The following ABCC5 variants were observed in gnomAD, a reference collection of about 807,000 sequenced individuals.
ABCC5 encodes the protein ATP-binding cassette sub-family C member 5.
ABCC5 carries 61 observed loss-of-function variants against 160.9 expected under a neutral mutation model. The observed-to-expected ratio is 0.38, with a 90% confidence interval of 0.31 to 0.47. The LOEUF is 0.47. ABCC5 is among the 20% of genes least tolerant of loss of function. ABCC5 has a pLI of 0.99. For missense variants in ABCC5, 1,308 were observed against 1,813.3 expected (o/e 0.72, Z 5.06); for synonymous variants, 666 against 700.6 (o/e 0.95, Z 0.78).
intron 29 of ABCC5, among the ~76,000 whole-genome samples, chr3:183,924,999 C>A (rs1038234134): frequency 5.9e-5 from 9 of 152,148 alleles, no homozygotes; most frequent in African/African-American, 1.9e-4. Context: ...GCCAACCGCA[C>A]CTGCAAAGGA....
In ABCC5 at chr3:183,957,224, G is replaced by A. The variant is rs1282209048; in HGVS notation, c.2482+2509C>T. 1.8e-5 allele frequency among the ~76,000 whole-genome samples: 2 copies of A among 114,250 alleles called. 1 individual carries two copies. The highest frequency in any genetic ancestry group is 6.3e-5 in the African/African-American group (2 of 31,718). The allele number at this position is 114,250 out of a possible 152,430, so 75.0% of individuals were successfully genotyped here. A position where few individuals can be genotyped will look rare whatever the true frequency, so the allele number is the denominator to read the frequency against. On this transcript the variant is annotated intron_variant, in intron 17 of 29. Coordinates refer to ENST00000334444, the MANE Select transcript of ABCC5 (RefSeq NM_005688.4). Reference sequence around the variant, plus strand: ...TGCTTATCCGTGTGTATATCACATCGGTTACATGCAGATCCGTGTGTATAT... The same window carrying A: ...TGCTTATCCGTGTGTATATCACATCAGTTACATGCAGATCCGTGTGTATAT...
chr3:183,989,424 T>C, intron 2 of ABCC5, 41 bp from the exon 3 acceptor site: 3 of 1,606,068 alleles, frequency 1.9e-6, no homozygotes, highest in Non-Finnish European at 1.7e-6. Context: ...GCACAGTTAA[T>C]ACACAGGCGA....
chr3:183,930,135 C>T (rs907398306), intron 26 of ABCC5, among the ~76,000 whole-genome samples: 1 of 152,240 alleles, frequency 6.6e-6, no homozygotes, highest in African/African-American at 2.4e-5. Flanking sequence ...AAACAGGAAA[C>T]TCTCTGGGAG....
chr3:183,977,799 C>A (rs1026551536), intron 9 of ABCC5, among the ~76,000 whole-genome samples, 175 bp from the exon 10 acceptor site: 1 of 152,056 alleles, frequency 6.6e-6, no homozygotes, highest in African/African-American at 2.4e-5. Context: ...GTCGCCCAGG[C>A]TGGAGTGCAG....
At position 183,967,781 on chromosome 3, in the gene ABCC5, C is replaced by T. The variant is rs764866230; in HGVS notation, c.1762-15G>A. 11 of 1,603,784 alleles carry T rather than the reference C, an allele frequency of 6.9e-6. No individual in the cohort carries two copies. The highest frequency in any genetic ancestry group is 1.7e-5 in the Admixed American group (1 of 59,970). The stretch of plus-strand genomic sequence containing the variant: ...ACCAGTTTACCCTGGACAAGGCACA[C>T]AGAGAGGAGGGTCATTTAGAGACTA... On this transcript the variant is annotated splice_polypyrimidine_tract_variant and intron_variant, in intron 11 of 29. Coordinates refer to ENST00000334444, the MANE Select transcript of ABCC5 (RefSeq NM_005688.4).
intron 10 of ABCC5, among the ~76,000 whole-genome samples, chr3:183,977,224 T>C (rs1392253538): frequency 6.6e-6 from 1 of 152,176 alleles, no homozygotes; most frequent in Non-Finnish European, 1.5e-5. Context: ...TTGCGACACA[T>C]CCATGTCAGG....
At position 184,008,797 on chromosome 3, in the gene ABCC5, G is replaced by A. The variant is rs142430265; in HGVS notation, c.129+5467C>T. Among the ~76,000 whole-genome samples, 68 of 152,316 alleles carry A rather than the reference G, an allele frequency of 4.5e-4. 2 individuals are homozygous for A. In the East Asian group the frequency reaches 0.012, roughly 26 times the overall value. The stretch of plus-strand genomic sequence containing the variant: ...AAAAGCACTGGCCTGCTCAAAGTCA[G>A]AACTTATTCTTTGGTGCTTTGCTTC... On this transcript the variant is annotated intron_variant, in intron 2 of 29. Transcript: ENST00000334444.
rs750942782 is a variant in ABCC5, at chr3:183,977,535, C to T, written c.1386G>A (p.Val462=). Residue 462 remains valine, a synonymous_variant, in exon 10 of 30, where the codon GTG becomes GTA. Coordinates refer to ENST00000334444, the MANE Select transcript of ABCC5 (RefSeq NM_005688.4). ...FSVKSLSEAS[V]AVDRFKSLFL... ...CACTTACCTTAAATCTGTCAACAGC[C>T]ACTGAGGCTTCTGAGAGGGACTTTA... 6.2e-7 allele frequency: 1 copy of T among 1,613,764 alleles called. No homozygotes were observed.
rs114925618 is a variant in ABCC5 at position 183,962,138 on chromosome 3, C to T, written c.2236-484G>A. Among the ~76,000 whole-genome samples the T allele has an allele frequency of 9.7e-3, 1,482 of 152,266 alleles. 11 individuals carry two copies. Among genetic ancestry groups the T allele is most frequent in the Middle Eastern group, 0.034 (10 of 294 alleles). ...TGGGCTTACATCCTGATAAACCCAACGTAAATTGAAAATATCAGAGCTTAG... is the reference window on the plus strand; with the variant it reads ...TGGGCTTACATCCTGATAAACCCAATGTAAATTGAAAATATCAGAGCTTAG... On this transcript the variant is annotated intron_variant, in intron 15 of 29. Coordinates refer to ENST00000334444, the MANE Select transcript of ABCC5 (RefSeq NM_005688.4).
At position 184,014,271 on chromosome 3, in the gene ABCC5, GTTC is replaced by G. The variant is rs1722006865; in HGVS notation, c.119_121del (p.Arg40del). The G allele has an allele frequency of 6.2e-7, 1 of 1,613,538 alleles. No homozygotes were observed. The highest frequency in any genetic ancestry group is 1.3e-5 in the African/African-American group (1 of 74,986). ...TTAGGAAAGGAAACTGACCGGTCGA[GTTC>G]TCCTGAACTTGGAATCTTCACGGTC... On this transcript the variant is annotated inframe_deletion, in exon 2 of 30. Coordinates refer to ENST00000334444, the MANE Select transcript of ABCC5 (RefSeq NM_005688.4).
rs1433931011 is a variant in ABCC5 at position 183,940,059 on chromosome 3, GA to G, written c.3695-2000del. ...ATGGGAACCTGAAAAACACCCATAA[GA>G]CTTGGAAGAAGTAACGCCCAGGAAA... On this transcript the variant is annotated intron_variant, in intron 25 of 29. Coordinates refer to ENST00000334444, the MANE Select transcript of ABCC5 (RefSeq NM_005688.4). 3.9e-5 allele frequency among the ~76,000 whole-genome samples: 6 copies of G among 152,246 alleles called. No individual in the cohort carries two copies. In the East Asian group the frequency reaches 1.2e-3, roughly 29 times the overall value.
Position 183,967,710 on chromosome 3 carries a change from T to C in ABCC5, c.1818A>G (p.Ser606=), listed in dbSNP as rs764607219. The change falls in exon 12 of 30, where the codon TCA becomes TCG. Residue 606 remains serine, a synonymous_variant. Transcript: ENST00000334444. The part of the protein sequence containing the change: ...SVGSGKTSLI[S]AILGQMTLLE... ...AAAATCTTACCTGGCCTAAAATGGC[T>C]GAAATGAGAGAGGTTTTTCCACTTC... is the stretch of plus-strand genomic sequence containing the variant. 2.5e-6 allele frequency: 4 copies of C among 1,613,850 alleles called. No homozygotes were observed. In the South Asian group the frequency reaches 3.3e-5, roughly 13 times the overall value.
intron 29 of ABCC5, among the ~76,000 whole-genome samples, chr3:183,923,988 T>A (rs975423226): frequency 1.9e-4 from 28 of 146,160 alleles, no homozygotes; most frequent in Non-Finnish European, 4.0e-4. Context: ...TTTTTTTAAA[T>A]CCCACCAATT....
At chr3:183,961,775 C>A in intron 15 of ABCC5, 121 bp from the exon 16 acceptor site, 1 of 1,232,396 alleles carries the variant, frequency 8.1e-7, no homozygotes, top group Non-Finnish European at 1.1e-6. Flanking sequence ...CATTTGGCAG[C>A]ATCTGGAGAC....
chr3:184,000,082 G>A (rs1720621227), intron 2 of ABCC5, among the ~76,000 whole-genome samples: 1 of 151,932 alleles, frequency 6.6e-6, no homozygotes, highest in African/African-American at 2.4e-5. Context: ...CAAGTGGCTG[G>A]GCGCGGCGGC....
Position 183,949,340 on chromosome 3 carries a change from G to C in ABCC5, c.3227+413C>G, listed in dbSNP as rs1397689089. Among the ~76,000 whole-genome samples the C allele has an allele frequency of 1.3e-5, 2 of 152,056 alleles. No homozygotes were observed. The highest frequency in any genetic ancestry group is 2.9e-5 in the Non-Finnish European group (2 of 67,996). Reference sequence around the variant, plus strand: ...CATGACTACCTTTTACTACTTAAAAGAAAAAGCAAAACTCTATGAAATATA... The same window carrying C: ...CATGACTACCTTTTACTACTTAAAACAAAAAGCAAAACTCTATGAAATATA... On this transcript the variant is annotated intron_variant, in intron 22 of 29. Transcript: ENST00000334444. This position sits in a 1 kb window ranked among gnomAD's most constrained non-coding sequence, Gnocchi z 4.2.
At chr3:183,985,106 T>A in intron 5 of ABCC5, 1 of 666,330 alleles carries the variant, frequency 1.5e-6, no homozygotes, top group Non-Finnish European at 2.5e-6. Flanking sequence ...ATCGGGTTTT[T>A]AAATAACAAT....
chr3:183,925,188 C>G (rs1157009695), intron 29 of ABCC5, among the ~76,000 whole-genome samples: 2 of 152,152 alleles, frequency 1.3e-5, no homozygotes, highest in Non-Finnish European at 2.9e-5. Flanking sequence ...AGTACATGTA[C>G]CAGGGATGAT....
chr3:183,982,027 T>C lies in ABCC5; in HGVS notation c.1000-153A>G, dbSNP rs911586854. Reference sequence around the variant, plus strand: ...GTAATCGTACTGTCTTTAATAAAAGTGACCTATTGAATTGTAATAAAACAT... The same window carrying C: ...GTAATCGTACTGTCTTTAATAAAAGCGACCTATTGAATTGTAATAAAACAT... On this transcript the variant is annotated intron_variant, in intron 7 of 29. Transcript: ENST00000334444. The surrounding 1 kb of genome is among the most constrained non-coding windows in gnomAD (Gnocchi z 5.2). Among the ~76,000 whole-genome samples, 11 of 152,206 alleles carry C rather than the reference T, an allele frequency of 7.2e-5. No individual in the cohort carries two copies. The highest frequency in any genetic ancestry group is 2.7e-4 in the African/African-American group (11 of 41,452).
Sources: allele counts gnomAD v4.1 joint callset (sites outside exome capture counted in the v4.1 genomes callset), GRCh38; gene constraint gnomAD v4.1.1; non-coding constraint Gnocchi (gnomAD v3.1); transcripts MANE v1.5; gene names NCBI Gene and HGNC (gene_info 2026-07-23, HGNC 2026-07-21).